The following RBFOX1 variants were observed in gnomAD, a reference collection of about 807,000 sequenced individuals.
The protein encoded by RBFOX1 is RNA binding protein fox-1 homolog 1.
RBFOX1 carries 8 observed loss-of-function variants against 57.7 expected under a neutral mutation model. That is an observed-to-expected ratio of 0.14 (90% CI 0.08 to 0.25). RBFOX1 has a LOEUF of 0.25. Among genes scored for constraint, RBFOX1 ranks in the 10% least tolerant of loss-of-function variants. The probability of loss-of-function intolerance (pLI) is 1.00; values close to 1 mark genes in which losing one functional copy is unlikely to be tolerated. For synonymous variants in RBFOX1, 326 were observed against 222.4 expected (o/e 1.47, Z -4.15); for missense variants, 611 against 548.5 (o/e 1.11, Z -1.14).
chr16:6,451,799 T>A (rs1457119506), intron 2 of RBFOX1, among the ~76,000 whole-genome samples: 1 of 152,108 alleles, frequency 6.6e-6, no homozygotes, highest in Non-Finnish European at 1.5e-5. Flanking sequence ...CGTGACTCCA[T>A]CCATGACTCC....
intron 2 of RBFOX1, among the ~76,000 whole-genome samples, chr16:6,344,558 C>G (rs544993069): frequency 6.6e-6 from 1 of 151,234 alleles, no homozygotes; most frequent in African/African-American, 2.4e-5. Context: ...CCACTGCGCC[C>G]GGCTAATTTT....
chr16:6,610,715 C>G (rs769660249), intron 2 of RBFOX1, among the ~76,000 whole-genome samples: 6 of 152,188 alleles, frequency 3.9e-5, no homozygotes, highest in Non-Finnish European at 7.3e-5. Flanking sequence ...GCGAAGTGGT[C>G]TTGTTACTCA....
chr16:6,899,432 C>G (rs12922067), intron 3 of RBFOX1, among the ~76,000 whole-genome samples: 33,247 of 152,116 alleles, frequency 0.22, 3,726 homozygotes, highest in East Asian at 0.26. Context: ...ACAATTTTTA[C>G]ATTTTTAGTT....
chr16:5,581,360 A>G (rs567478113), intron 2 of RBFOX1, among the ~76,000 whole-genome samples: 1 of 152,330 alleles, frequency 6.6e-6, no homozygotes, highest in South Asian at 2.1e-4. Context: ...TTGTGTAATT[A>G]AACACTCTTT....
chr16:6,766,950 T>C (rs2077417792), intron 3 of RBFOX1, among the ~76,000 whole-genome samples: 1 of 152,098 alleles, frequency 6.6e-6, no homozygotes, highest in African/African-American at 2.4e-5. Context: ...GTACTAGCCC[T>C]TGGTAAGTCG....
intron 1 of RBFOX1, among the ~76,000 whole-genome samples, chr16:6,190,605 T>C (rs2097135473): frequency 6.6e-6 from 1 of 152,182 alleles, no homozygotes; most frequent in Admixed American, 6.5e-5. Context: ...ACTTGATATA[T>C]CGTCGATGGT....
intron 5 of RBFOX1, among the ~76,000 whole-genome samples, chr16:7,561,351 C>T (rs573017564): frequency 5.6e-4 from 85 of 152,340 alleles, no homozygotes; most frequent in African/African-American, 2.0e-3. Flanking sequence ...ATGCTATCCC[C>T]ATCTAGATGA....
chr16:7,191,547 G>C (rs761954383), intron 4 of RBFOX1, among the ~76,000 whole-genome samples: 9 of 152,120 alleles, frequency 5.9e-5, no homozygotes, highest in Non-Finnish European at 1.2e-4. Context: ...TATAACCATG[G>C]AAGCTGTTAT....
At chr16:7,637,864 T>C (rs1469001587) in intron 11 of RBFOX1, among the ~76,000 whole-genome samples, 1 of 152,188 alleles carries the variant, frequency 6.6e-6, no homozygotes, top group African/African-American at 2.4e-5. Flanking sequence ...AAATAGCATT[T>C]TAATGCAATA....
At position 7,356,022 on chromosome 16, in the gene RBFOX1, A is replaced by G. The variant is rs533269768; in HGVS notation, c.28-162125A>G. ...GCACTGTGCTTTATTGGTTTGAAAA[A>G]TGAAGAAGCAAGCTCCAACGAGTTC... On this transcript the variant is annotated intron_variant, in intron 4 of 15. Coordinates refer to ENST00000550418, the MANE Select transcript of RBFOX1 (RefSeq NM_018723.4). Among the ~76,000 whole-genome samples, 281 of 152,344 alleles carry G rather than the reference A, an allele frequency of 1.8e-3. 7 individuals carry two copies. Among genetic ancestry groups the G allele is most frequent in the Non-Finnish European group, 1.9e-4 (13 of 68,032 alleles).
chr16:7,234,562 C>T (rs1325282216), intron 4 of RBFOX1, among the ~76,000 whole-genome samples: 2 of 150,936 alleles, frequency 1.3e-5, no homozygotes, highest in South Asian at 2.1e-4. Flanking sequence ...ATGAAGTCTT[C>T]TGTTGCAAAT....
intron 4 of RBFOX1, among the ~76,000 whole-genome samples, chr16:7,411,931 G>GA (rs1209242471): frequency 1.4e-5 from 2 of 142,912 alleles, no homozygotes; most frequent in Non-Finnish European, 3.0e-5. Context: ...AAAAGATAGG[G>GA]AAAATCTGAG....
chr16:7,664,522 A>G (rs1293942400), intron 12 of RBFOX1, among the ~76,000 whole-genome samples: 1 of 152,170 alleles, frequency 6.6e-6, no homozygotes, highest in East Asian at 1.9e-4. Context: ...CGATTTTTAA[A>G]TAGATGTTTT....
chr16:5,943,095 G>C (rs946482707), intron 4 of RBFOX1, among the ~76,000 whole-genome samples: 1 of 152,136 alleles, frequency 6.6e-6, no homozygotes, highest in Admixed American at 6.5e-5. Flanking sequence ...CTCCCACCCT[G>C]AGGGGAGCTG....
intron 2 of RBFOX1, among the ~76,000 whole-genome samples, chr16:5,481,511 A>G (rs531880099): frequency 2.6e-5 from 4 of 152,228 alleles, no homozygotes; most frequent in African/African-American, 9.6e-5. Flanking sequence ...ACTTGTCTGT[A>G]TTTTTGAGAA....
At chr16:5,468,856 A>T (rs2069037446) in intron 2 of RBFOX1, among the ~76,000 whole-genome samples, 1 of 152,142 alleles carries the variant, frequency 6.6e-6, no homozygotes, top group African/African-American at 2.4e-5. Flanking sequence ...ATCCTGGGAG[A>T]TTGGATCCAT....
intron 4 of RBFOX1, among the ~76,000 whole-genome samples, chr16:5,982,473 G>A (rs958848992): frequency 2.4e-4 from 36 of 151,956 alleles, no homozygotes; most frequent in African/African-American, 7.2e-4. Flanking sequence ...AAGGGGTTTC[G>A]CCATGTTGGT....
chr16:7,575,290 C>G (rs952138306), intron 5 of RBFOX1, among the ~76,000 whole-genome samples: 1 of 151,966 alleles, frequency 6.6e-6, no homozygotes, highest in Non-Finnish European at 1.5e-5. Flanking sequence ...GCGCGCTACC[C>G]CACCTGGCTA....
intron 5 of RBFOX1, among the ~76,000 whole-genome samples, chr16:7,554,240 A>G (rs1162534800): frequency 3.3e-5 from 5 of 152,244 alleles, no homozygotes; most frequent in Non-Finnish European, 7.3e-5. Flanking sequence ...AGTAGCAGGC[A>G]AAGGAATGCA....
Sources: allele counts gnomAD v4.1 joint callset (sites outside exome capture counted in the v4.1 genomes callset), GRCh38; gene constraint gnomAD v4.1.1; transcripts MANE v1.5; gene names NCBI Gene and HGNC (gene_info 2026-07-23, HGNC 2026-07-21).